Variants in OTOA observed in about 807,000 individuals in gnomAD.
OTOA encodes cancer/testis antigen 108.
OTOA carries 70 observed loss-of-function variants against 110.8 expected under a neutral mutation model. The observed-to-expected ratio is 0.63, with a 90% CI of 0.52 to 0.77. OTOA has a LOEUF of 0.77. OTOA is among the 30% of genes least tolerant of loss of function. OTOA has a pLI of 0.00. For missense variants in OTOA, 917 were observed against 1,075.8 expected (o/e 0.85, Z 2.06); for synonymous variants, 373 against 431.5 (o/e 0.86, Z 1.68).
At chr16:21,680,439 G>A (rs756380137) in intron 5 of OTOA, among the ~76,000 whole-genome samples, 8 of 152,076 alleles carry the variant, frequency 5.3e-5, no homozygotes, top group Admixed American at 1.3e-4. Context: ...ACTTGAACGC[G>A]GGAGGCTGAG....
intron 20 of OTOA, among the ~76,000 whole-genome samples, chr16:21,728,755 T>G (rs1426452580): frequency 6.6e-6 from 1 of 151,814 alleles, no homozygotes; most frequent in African/African-American, 2.4e-5. Flanking sequence ...CGCCCAGCTA[T>G]TTTTTGCATT....
chr16:21,695,891 A>ATTTTTTTTTTTTTTTTTTTT (rs386384450), intron 9 of OTOA, among the ~76,000 whole-genome samples: 1 of 41,896 alleles, frequency 2.4e-5, no homozygotes, highest in Non-Finnish European at 3.7e-5. Flanking sequence ...ATATATATAT[A>ATTTTTTTTTTTTTTTTTTTT]TTTTTTTTTT....
chr16:21,731,015 G>A (rs1207681942), intron 21 of OTOA, 85 bp downstream of exon 21: 1 of 770,538 alleles, frequency 1.3e-6, no homozygotes. Flanking sequence ...TGGGTTTACT[G>A]CTGTCTATGG....
chr16:21,723,394 CCTT>C (rs1898819913), intron 18 of OTOA, among the ~76,000 whole-genome samples: 1 of 151,996 alleles, frequency 6.6e-6, no homozygotes. Context: ...CTCCTTCTCT[CCTT>C]CTTTATTTCC....
chr16:21,718,644 A>G (rs1038797982), intron 15 of OTOA, among the ~76,000 whole-genome samples: 1 of 152,194 alleles, frequency 6.6e-6, no homozygotes, highest in Non-Finnish European at 1.5e-5. Context: ...TCCCCTGTCT[A>G]CTAGGCATTG....
intron 8 of OTOA, among the ~76,000 whole-genome samples, chr16:21,689,755 G>A (rs971758374): frequency 2.6e-5 from 4 of 151,378 alleles, no homozygotes; most frequent in Non-Finnish European, 5.9e-5. Flanking sequence ...GCCCCATCTC[G>A]GCTCACTGCA....
chr16:21,737,363 T>C (rs1248529178), intron 22 of OTOA, among the ~76,000 whole-genome samples: 1 of 152,306 alleles, frequency 6.6e-6, no homozygotes, highest in Non-Finnish European at 1.5e-5. Context: ...TAGCTGGGAT[T>C]ATAGGCATGT....
At chr16:21,679,917 T>C (rs906596738) in intron 5 of OTOA, among the ~76,000 whole-genome samples, 1 of 152,102 alleles carries the variant, frequency 6.6e-6, no homozygotes, top group Non-Finnish European at 1.5e-5. Context: ...CCATTCCCTT[T>C]ACTGTTGCAT....
At chr16:21,714,504 CTTTCTTTCTTTCTTTCT>C (rs1431640560) in intron 13 of OTOA, among the ~76,000 whole-genome samples, 13 of 137,904 alleles carry the variant, frequency 9.4e-5, no homozygotes, top group African/African-American at 3.5e-4. Flanking sequence ...CTCTCTCTTT[CTTTCTTTCTTTCTTTCT>C]TTTCTTTCTG....
At chr16:21,701,069 T>G in intron 11 of OTOA, 42 bp downstream of exon 11, 1 of 1,613,550 alleles carries the variant, frequency 6.2e-7, no homozygotes, top group Non-Finnish European at 8.5e-7. Context: ...TTTCCCAAGA[T>G]GTGATCTAAG....
rs767091787 is a variant in OTOA at position 21,678,895 on chromosome 16, A to G, written c.92-20A>G. ...TCACACAATTCAATTCTAGTTATAC[A>G]TTCAATGGCTTTCTTACAGATTTGC... On this transcript the variant is annotated intron_variant, in intron 2 of 28. Transcript: ENST00000646100. The G allele has an allele frequency of 1.2e-6, 2 of 1,612,030 alleles. No individual in the cohort carries two copies. The highest frequency in any genetic ancestry group is 1.7e-6 in the Non-Finnish European group (2 of 1,179,584).
At chr16:21,678,261 G>A (rs1966865217) in intron 1 of OTOA, among the ~76,000 whole-genome samples, 1 of 151,996 alleles carries the variant, frequency 6.6e-6, no homozygotes, top group Admixed American at 6.6e-5. Flanking sequence ...ACAGGCCATT[G>A]TAGTCACCAA....
chr16:21,687,693 A>C, intron 8 of OTOA, 45 bp downstream of exon 8: 1 of 1,445,006 alleles, frequency 6.9e-7, no homozygotes, highest in East Asian at 2.5e-5. Context: ...TTTGAGATGG[A>C]GTTTCACTCT....
chr16:21,755,513 G>A (rs1268103214), intron 27 of OTOA, among the ~76,000 whole-genome samples: 1 of 105,296 alleles, frequency 9.5e-6, no homozygotes, highest in Non-Finnish European at 2.0e-5. Context: ...AGGAGGTGAT[G>A]CTGAATTTTA....
At chr16:21,721,222 A>G (rs1898724940) in intron 17 of OTOA, 1 of 427,102 alleles carries the variant, frequency 2.3e-6, no homozygotes, top group East Asian at 7.3e-5. Context: ...TTCTGAAAAC[A>G]CATAATTATT....
At chr16:21,735,388 G>A (rs879914492) in intron 21 of OTOA, among the ~76,000 whole-genome samples, 89 of 151,824 alleles carry the variant, frequency 5.9e-4, no homozygotes, top group Non-Finnish European at 1.1e-3. Flanking sequence ...CTATTGTGAG[G>A]ACAGTACCAA....
intron 1 of OTOA, among the ~76,000 whole-genome samples, chr16:21,664,977 T>G (rs1404819829): frequency 2.7e-5 from 4 of 148,080 alleles, no homozygotes; most frequent in Non-Finnish European, 4.4e-5. Context: ...GTCTCATGAA[T>G]GAATAAATAA....
intron 20 of OTOA, 28 bp downstream of exon 20, chr16:21,728,459 G>T: frequency 6.2e-7 from 1 of 1,607,870 alleles, no homozygotes; most frequent in South Asian, 1.1e-5. Flanking sequence ...TTGGCTTTTG[G>T]TGGTGTGGTA....
intron 9 of OTOA, among the ~76,000 whole-genome samples, chr16:21,692,327 GAAA>G (rs769539682): frequency 3.0e-5 from 4 of 133,532 alleles, no homozygotes; most frequent in Middle Eastern, 3.9e-3. Flanking sequence ...ACTCCGTCTC[GAAA>G]AAAAAAAAAA....
Sources: allele counts gnomAD v4.1 joint callset (sites outside exome capture counted in the v4.1 genomes callset), GRCh38; gene constraint gnomAD v4.1.1; transcripts MANE v1.5; gene names NCBI Gene and HGNC (gene_info 2026-07-23, HGNC 2026-07-21).